The following DMD variants were observed in gnomAD, a reference collection of about 807,000 sequenced individuals.
DMD encodes the protein mutant dystrophin.
In DMD, 63 loss-of-function variants were observed where a neutral mutation model predicts 330.1. That is an observed-to-expected ratio of 0.19 (90% confidence interval 0.16 to 0.24). The LOEUF is 0.24. Among genes scored for constraint, DMD ranks in the 10% least tolerant of loss-of-function variants. The pLI is 1.00. For synonymous variants in DMD, 1,223 were observed against 959.8 expected (o/e 1.27, Z -5.07); for missense variants, 3,344 against 2,684.1 (o/e 1.25, Z -5.43).
intron 55 of DMD, among the ~76,000 whole-genome samples, chrX:31,539,680 C>T (rs1160286868): frequency 7.2e-5 from 8 of 111,827 alleles, no homozygotes; most frequent in Non-Finnish European, 1.3e-4. Context: ...AGAGGAACAA[C>T]GAAGAGATCA....
At chrX:32,907,229 C>T (rs144928632) in intron 2 of DMD, among the ~76,000 whole-genome samples, 2,800 of 111,976 alleles carry the variant, frequency 0.025, 88 homozygotes, top group African/African-American at 0.085. Context: ...GAAACTACTT[C>T]AAAATGCTTT....
At chrX:31,273,841 C>T (rs755794079) in intron 62 of DMD, among the ~76,000 whole-genome samples, 16 of 111,760 alleles carry the variant, frequency 1.4e-4, no homozygotes, top group Non-Finnish European at 2.4e-4. Context: ...TAACCCTTTA[C>T]AGGCAAGTCA....
At chrX:31,385,783 G>A (rs2060416848) in intron 60 of DMD, among the ~76,000 whole-genome samples, 1 of 112,343 alleles carries the variant, frequency 8.9e-6, no homozygotes, top group South Asian at 3.7e-4. Context: ...TGGTGGGACT[G>A]TAAACTAGTT....
chrX:32,476,707 T>C lies in DMD; in HGVS notation c.2804-4398A>G, dbSNP rs2041271822. On this transcript the variant is annotated intron_variant, in intron 21 of 78. Transcript: ENST00000357033. ...TGAAGAATTCTAAATCTGTTTCAGA[T>C]AAGAAGAAAGAAAAAGTCTTATACA... Among the ~76,000 whole-genome samples, 3 of 111,166 alleles carry C rather than the reference T, an allele frequency of 2.7e-5. No individual in the cohort carries two copies. In the Admixed American group the frequency reaches 2.9e-4, roughly 11 times the overall value.
At chrX:31,377,881 G>A (rs921297518) in intron 60 of DMD, among the ~76,000 whole-genome samples, 2 of 111,004 alleles carry the variant, frequency 1.8e-5, no homozygotes, top group Non-Finnish European at 1.9e-5. Flanking sequence ...GAAAATGGCC[G>A]GTCCTTGCCT....
At chrX:31,258,591 A>T (rs956153809) in intron 63 of DMD, among the ~76,000 whole-genome samples, 1 of 111,819 alleles carries the variant, frequency 8.9e-6, no homozygotes, top group African/African-American at 3.3e-5. Flanking sequence ...TTATACCTGA[A>T]AGTTGATTTC....
At chrX:32,560,126 G>A (rs184167572) in intron 16 of DMD, among the ~76,000 whole-genome samples, 47 of 107,949 alleles carry the variant, frequency 4.4e-4, no homozygotes, top group African/African-American at 1.5e-3. Context: ...TTATTCCTGA[G>A]AAAGAAGACA....
In DMD at chrX:31,688,704, G is replaced by A. The variant is rs1306723112; in HGVS notation, c.7661-9118C>T. Reference sequence around the variant, plus strand: ...TAGACAAATATCCCTGATGAACATCGATGCAAAAATCCTCAATAAAATACT... The same window carrying A: ...TAGACAAATATCCCTGATGAACATCAATGCAAAAATCCTCAATAAAATACT... On this transcript the variant is annotated intron_variant, in intron 52 of 78. Coordinates refer to ENST00000357033, the MANE Select transcript of DMD (RefSeq NM_004006.3). Among the ~76,000 whole-genome samples the A allele has an allele frequency of 2.2e-4, 24 of 110,973 alleles. No homozygotes were observed. In the East Asian group the frequency reaches 5.9e-3, roughly 27 times the overall value.
intron 30 of DMD, among the ~76,000 whole-genome samples, chrX:32,392,896 A>T (rs1178698042): frequency 8.9e-6 from 1 of 112,890 alleles, no homozygotes; most frequent in Non-Finnish European, 1.9e-5. Context: ...GCTTTCAGCC[A>T]ACAACTGCTA....
At chrX:32,797,206 T>C (rs756532077) in intron 7 of DMD, among the ~76,000 whole-genome samples, 7 of 110,885 alleles carry the variant, frequency 6.3e-5, no homozygotes, top group Non-Finnish European at 9.4e-5. Context: ...CACCGCAGCC[T>C]TGAACTCCTG....
At chrX:32,362,720 A>G in intron 37 of DMD, 68 bp downstream of exon 37, 1 of 1,150,733 alleles carries the variant, frequency 8.7e-7, no homozygotes, top group South Asian at 1.8e-5. Flanking sequence ...TGCCCCTTTC[A>G]GAGTACTGCG....
At chrX:32,837,735 C>G (rs1427648283) in intron 4 of DMD, among the ~76,000 whole-genome samples, 2 of 111,781 alleles carry the variant, frequency 1.8e-5, no homozygotes, top group Non-Finnish European at 3.8e-5. Flanking sequence ...TTGGTTGCCT[C>G]AATGAACTGA....
At chrX:32,608,456 A>G (rs771762297) in intron 12 of DMD, among the ~76,000 whole-genome samples, 1 of 110,622 alleles carries the variant, frequency 9.0e-6, no homozygotes, top group South Asian at 3.7e-4. Context: ...CACTATTAAG[A>G]TATTTGCATA....
chrX:31,443,110 C>T (rs1486944337), intron 60 of DMD, among the ~76,000 whole-genome samples: 1 of 111,272 alleles, frequency 9.0e-6, no homozygotes, highest in Non-Finnish European at 1.9e-5. Context: ...AACCCAGTTT[C>T]CTCAGAGGCA....
At chrX:32,485,974 C>T (rs763084784) in intron 20 of DMD, among the ~76,000 whole-genome samples, 3 of 109,465 alleles carry the variant, frequency 2.7e-5, no homozygotes, top group Non-Finnish European at 5.7e-5. Flanking sequence ...AACTGCTGAC[C>T]TCATGATCCA....
intron 2 of DMD, among the ~76,000 whole-genome samples, chrX:32,859,175 A>G (rs755525154): frequency 9.0e-5 from 10 of 111,129 alleles, no homozygotes; most frequent in Non-Finnish European, 1.7e-4. Context: ...AGGTGTAAAA[A>G]CGTTTAACTC....
At chrX:32,509,189 TAAAA>T (rs76536849) in intron 18 of DMD, among the ~76,000 whole-genome samples, 2,152 of 86,265 alleles carry the variant, frequency 0.025, 49 homozygotes, top group African/African-American at 0.067. Context: ...TAAAAAGTGT[TAAAA>T]AAAAAAAAAA....
At chrX:32,027,288 A>G (rs999707818) in intron 44 of DMD, among the ~76,000 whole-genome samples, 2 of 110,316 alleles carry the variant, frequency 1.8e-5, no homozygotes, top group African/African-American at 6.6e-5. Flanking sequence ...GCATCTAAGT[A>G]AATAGAAATG....
chrX:32,883,057 T>G (rs12012777), intron 2 of DMD, among the ~76,000 whole-genome samples: 2,108 of 112,025 alleles, frequency 0.019, 58 homozygotes, highest in African/African-American at 0.065. Context: ...AATATGCTTG[T>G]GATCAAGAAT....
Sources: allele counts gnomAD v4.1 joint callset (sites outside exome capture counted in the v4.1 genomes callset), GRCh38; gene constraint gnomAD v4.1.1; transcripts MANE v1.5; gene names NCBI Gene and HGNC (gene_info 2026-07-23, HGNC 2026-07-21).